The following CACNA1C variants were observed in gnomAD, a reference collection of about 807,000 sequenced individuals.
CACNA1C encodes voltage-dependent L-type calcium channel subunit alpha-1C.
Under a neutral mutation model 229.0 loss-of-function variants are expected in CACNA1C, and 30 were observed. That is an observed-to-expected ratio of 0.13 (90% CI 0.10 to 0.18). The LOEUF is 0.18. Among genes scored for constraint, CACNA1C ranks in the 10% least tolerant of loss-of-function variants. CACNA1C has a pLI of 1.00. For synonymous variants in CACNA1C, 1,114 were observed against 1,132.5 expected, an observed-to-expected ratio of 0.98 and a Z score of 0.33; for missense variants, 1,658 against 2,845.0, an observed-to-expected ratio of 0.58 and a Z score of 9.49.
chr12:2,598,793 C>A (rs980607952), intron 21 of CACNA1C, among the ~76,000 whole-genome samples: 33 of 152,208 alleles, frequency 2.2e-4, no homozygotes, highest in African/African-American at 7.7e-4. Context: ...TCCCCTGTGT[C>A]CTTGTCCCCA....
intron 3 of CACNA1C, among the ~76,000 whole-genome samples, chr12:2,169,772 G>C (rs1387568109): frequency 6.6e-6 from 1 of 152,172 alleles, no homozygotes; most frequent in African/African-American, 2.4e-5. Context: ...TGTGTCTCCT[G>C]CCTCCTTGAC....
intron 9 of CACNA1C, among the ~76,000 whole-genome samples, chr12:2,513,311 G>T (rs1423026567): frequency 2.6e-5 from 4 of 152,256 alleles, no homozygotes; most frequent in African/African-American, 9.6e-5. Context: ...AGGGGCACAG[G>T]CTTCCCGTTT....
intron 3 of CACNA1C, among the ~76,000 whole-genome samples, chr12:2,427,187 A>G (rs747416173): frequency 6.6e-6 from 1 of 152,160 alleles, no homozygotes; most frequent in Non-Finnish European, 1.5e-5. Flanking sequence ...ACCTGTGCCA[A>G]TCTGCAATGA....
chr12:2,129,584 G>A (rs1010746159), intron 3 of CACNA1C, among the ~76,000 whole-genome samples: 1 of 152,118 alleles, frequency 6.6e-6, no homozygotes, highest in East Asian at 1.9e-4. Context: ...ATATTTGAAG[G>A]AAGTCTTTCC....
At chr12:2,226,135 A>C (rs796510677) in intron 3 of CACNA1C, among the ~76,000 whole-genome samples, 3 of 123,602 alleles carry the variant, frequency 2.4e-5, no homozygotes, top group African/African-American at 1.2e-4. Flanking sequence ...GCACACACAC[A>C]CACACACACA....
At chr12:2,302,250 C>A (rs1433963630) in intron 3 of CACNA1C, among the ~76,000 whole-genome samples, 1 of 151,958 alleles carries the variant, frequency 6.6e-6, no homozygotes. Context: ...CTGGGACTTT[C>A]GGATGGAGGA....
At chr12:2,568,000 A>G (rs1568473334) in intron 13 of CACNA1C, among the ~76,000 whole-genome samples, 2 of 152,166 alleles carry the variant, frequency 1.3e-5, no homozygotes, top group African/African-American at 4.8e-5. Context: ...CAGAGACTCA[A>G]CTCAGTAATG....
intron 2 of CACNA1C, among the ~76,000 whole-genome samples, chr12:2,117,688 C>T (rs1312583717): frequency 2.0e-5 from 3 of 152,342 alleles, no homozygotes; most frequent in South Asian, 2.1e-4. Context: ...TAGGTGGGAC[C>T]GGTGAGGTCT....
chr12:2,408,644 A>G (rs930977297), intron 3 of CACNA1C, among the ~76,000 whole-genome samples: 1 of 152,140 alleles, frequency 6.6e-6, no homozygotes, highest in Non-Finnish European at 1.5e-5. Context: ...TCTTTTACAT[A>G]TAACGTACAG....
intron 3 of CACNA1C, among the ~76,000 whole-genome samples, chr12:2,423,260 G>A (rs2098996107): frequency 6.6e-6 from 1 of 152,076 alleles, no homozygotes; most frequent in South Asian, 2.1e-4. Flanking sequence ...CAGAGCACTT[G>A]CATGTATCTG....
At chr12:2,681,351 C>T (rs760248443) in intron 42 of CACNA1C, among the ~76,000 whole-genome samples, 16 of 152,212 alleles carry the variant, frequency 1.1e-4, no homozygotes, top group African/African-American at 2.9e-4. Context: ...CATGAAATGT[C>T]GGTTCCCTCT....
Position 2,437,852 on chromosome 12 carries a change from A to C in CACNA1C, c.478-11124A>C, listed in dbSNP as rs111211642. Among the ~76,000 whole-genome samples the C allele has an allele frequency of 4.7e-5, 5 of 106,430 alleles. No individual in the cohort carries two copies. The Admixed American group carries it at 5.4e-4, about 12-fold the overall frequency. The allele number at this position is 106,430 out of a possible 152,430, so 69.8% of individuals were successfully genotyped here. A position where few individuals can be genotyped will look rare whatever the true frequency, so the allele number is the denominator to read the frequency against. On this transcript the variant is annotated intron_variant, in intron 3 of 46. Transcript: ENST00000399655. ...GGTGGTGGTAATGATGGTGGTGATG[A>C]TGGTGGTGATGGTGGTGGTAATGGT...
intron 3 of CACNA1C, among the ~76,000 whole-genome samples, chr12:2,178,222 G>A (rs938172969): frequency 6.6e-6 from 1 of 152,200 alleles, no homozygotes; most frequent in Admixed American, 6.5e-5. Flanking sequence ...GTCCTTGGTA[G>A]CCACCAATAT....
chr12:2,231,661 C>T (rs370072304), intron 3 of CACNA1C, among the ~76,000 whole-genome samples: 3 of 152,100 alleles, frequency 2.0e-5, no homozygotes, highest in East Asian at 1.9e-4. Flanking sequence ...TTGCAAGCAG[C>T]GCCCGGTACA....
Position 2,115,224 on chromosome 12 carries a change from G to T in CACNA1C, c.50G>T (p.Gly17Val). The change falls in exon 2 of 47, where the codon GGT (glycine) becomes GTT (valine). Residue 17 changes from glycine to valine, a missense_variant and splice_region_variant. Transcript: ENST00000399655. ...RMYIPEENHQ[G>V]SNYGSPRPAH... ...TGTGTTCTTTTCTCTTTTGCCACAG[G>T]TTCCAACTATGGGAGCCCACGCCCC... is the stretch of plus-strand genomic sequence containing the variant. The T allele has an allele frequency of 6.4e-7, 1 of 1,556,458 alleles. No individual in the cohort carries two copies. The highest frequency in any genetic ancestry group is 1.2e-5 in the South Asian group (1 of 81,872).
chr12:2,033,844 AGGT>A (rs997084264), intron 1 of CACNA1C, among the ~76,000 whole-genome samples: 3 of 152,192 alleles, frequency 2.0e-5, no homozygotes, highest in Non-Finnish European at 4.4e-5. Context: ...TTCCAAATAG[AGGT>A]GGTGAGAGTT....
chr12:2,495,280 A>G (rs1171576775), intron 7 of CACNA1C, among the ~76,000 whole-genome samples: 1 of 152,206 alleles, frequency 6.6e-6, no homozygotes, highest in Non-Finnish European at 1.5e-5. Context: ...GGTCCCTCTG[A>G]CCAGCCAAGG....
At chr12:2,180,059 CTT>C (rs1360277441) in intron 3 of CACNA1C, among the ~76,000 whole-genome samples, 12 of 152,228 alleles carry the variant, frequency 7.9e-5, no homozygotes, top group African/African-American at 2.9e-4. Context: ...TCACTCAGGT[CTT>C]TGCTCATACT....
rs1409152982 is a variant in CACNA1C, at chr12:2,689,395, T to C, written c.6117+616T>C. On this transcript the variant is annotated intron_variant, in intron 46 of 46. Transcript: ENST00000399655. The surrounding 1 kb of genome is among the most constrained non-coding windows in gnomAD (Gnocchi z 4.2). Reference sequence around the variant, plus strand: ...TCCTAGGAGAACCGTTTCAGGGAATTCGGGAAGAAAACCTGGAGAGGAGGT... The same window carrying C: ...TCCTAGGAGAACCGTTTCAGGGAATCCGGGAAGAAAACCTGGAGAGGAGGT... Among the ~76,000 whole-genome samples the C allele has an allele frequency of 1.3e-5, 2 of 151,992 alleles. No homozygotes were observed. The highest frequency in any genetic ancestry group is 4.8e-5 in the African/African-American group (2 of 41,358).
Sources: allele counts gnomAD v4.1 joint callset (sites outside exome capture counted in the v4.1 genomes callset), GRCh38; gene constraint gnomAD v4.1.1; non-coding constraint Gnocchi (gnomAD v3.1); transcripts MANE v1.5; gene names NCBI Gene and HGNC (gene_info 2026-07-23, HGNC 2026-07-21).